The following AIG1 variants were observed in gnomAD, a reference collection of about 807,000 sequenced individuals.
AIG1 encodes androgen-induced gene 1 protein.
AIG1 carries 23 observed loss-of-function variants against 31.4 expected under a neutral mutation model. That is an observed-to-expected ratio of 0.73 (90% CI 0.53 to 1.04). AIG1 has a LOEUF of 1.04. AIG1 is among the 50% of genes least tolerant of loss of function. The pLI, the probability that AIG1 is intolerant of heterozygous loss-of-function variation, is 0.00. For synonymous variants in AIG1, 100 were observed against 110.5 expected (o/e 0.90, Z 0.60); for missense variants, 274 against 295.0 (o/e 0.93, Z 0.52).
intron 2 of AIG1, among the ~76,000 whole-genome samples, chr6:143,146,934 A>G (rs566337379): frequency 1.3e-5 from 2 of 152,222 alleles, no homozygotes; most frequent in East Asian, 3.9e-4. Context: ...AATTCTGGCT[A>G]TTGGGAAGGT....
intron 3 of AIG1, among the ~76,000 whole-genome samples, chr6:143,277,704 T>C (rs1163278694): frequency 6.6e-6 from 1 of 152,186 alleles, no homozygotes; most frequent in Admixed American, 6.5e-5. Flanking sequence ...CCCAATGAGG[T>C]TGGCCACACC....
chr6:143,190,485 A>G lies in AIG1; in HGVS notation c.399+25302A>G, dbSNP rs911066168. On this transcript the variant is annotated intron_variant, in intron 3 of 5. Transcript: ENST00000357847. ...TATCATTATTTAGTCTGATCAGACA[A>G]TATCTTCACTTTTAAGTTATGTTCA... 36 of 985,278 alleles carry G rather than the reference A, an allele frequency of 3.7e-5. No individual in the cohort carries two copies. The Admixed American group carries it at 5.5e-4, about 15-fold the overall frequency. The allele number at this position is 985,278 out of a possible 1,614,324, so 61.0% of individuals were successfully genotyped here.
intron 2 of AIG1, among the ~76,000 whole-genome samples, chr6:143,143,500 CAAAAAAAAAAAAAAA>C (rs60620136): frequency 7.3e-5 from 2 of 27,482 alleles, no homozygotes; most frequent in Non-Finnish European, 1.2e-4. Flanking sequence ...GACTTCATCT[CAAAAAAAAAAAAAAA>C]AAAAAAAAAA....
chr6:143,087,013 G>T (rs557445854), intron 1 of AIG1, among the ~76,000 whole-genome samples: 185 of 152,288 alleles, frequency 1.2e-3, no homozygotes, highest in Non-Finnish European at 1.9e-4. Context: ...GAGGGTTGGG[G>T]GTTGTTAGAA....
intron 1 of AIG1, among the ~76,000 whole-genome samples, chr6:143,065,590 T>A (rs886613665): frequency 2.0e-5 from 3 of 152,258 alleles, no homozygotes; most frequent in Admixed American, 6.5e-5. Flanking sequence ...AAAAGGCAAA[T>A]GTATTTTGAG....
intron 3 of AIG1, among the ~76,000 whole-genome samples, chr6:143,274,211 A>G (rs1399153630): frequency 6.6e-6 from 1 of 152,088 alleles, no homozygotes; most frequent in Admixed American, 6.5e-5. Flanking sequence ...ACCCCTGGCC[A>G]TTCTTTTATC....
At chr6:143,174,756 C>A (rs1406038200) in intron 3 of AIG1, among the ~76,000 whole-genome samples, 1 of 151,922 alleles carries the variant, frequency 6.6e-6, no homozygotes, top group Non-Finnish European at 1.5e-5. Context: ...TAATTCTTAT[C>A]CATTCTGCCA....
At chr6:143,320,793 T>G (rs1183809487) in intron 4 of AIG1, among the ~76,000 whole-genome samples, 3 of 151,662 alleles carry the variant, frequency 2.0e-5, no homozygotes, top group Admixed American at 6.6e-5. Flanking sequence ...TATTCTACTG[T>G]GTACTTAAAA....
At chr6:143,233,380 T>C (rs1206387314) in intron 3 of AIG1, among the ~76,000 whole-genome samples, 1 of 151,904 alleles carries the variant, frequency 6.6e-6, no homozygotes, top group Non-Finnish European at 1.5e-5. Context: ...AATTTGGAAA[T>C]ATTTGGTGGT....
intron 4 of AIG1, among the ~76,000 whole-genome samples, chr6:143,320,453 C>T (rs1776116750): frequency 6.6e-6 from 1 of 152,104 alleles, no homozygotes; most frequent in African/African-American, 2.4e-5. Flanking sequence ...ATGGAAACAA[C>T]CTAAATGTCC....
In AIG1 at chr6:143,164,698, ATG is replaced by A. The variant is rs555527817; in HGVS notation, c.298-379_298-378del. ...AGGGACATAGCTGGCAGTTTCCTGA[ATG>A]TGTGCTAACTCTAGATAGTGGGTAA... On this transcript the variant is annotated intron_variant, in intron 2 of 5. Transcript: ENST00000357847. Among the ~76,000 whole-genome samples the A allele has an allele frequency of 9.3e-4, 141 of 152,306 alleles. 2 individuals carry two copies. Among genetic ancestry groups the A allele is most frequent in the African/African-American group, 3.2e-3 (134 of 41,574 alleles).
chr6:143,251,656 T>C (rs1402646006), intron 3 of AIG1, among the ~76,000 whole-genome samples: 1 of 152,148 alleles, frequency 6.6e-6, no homozygotes, highest in Non-Finnish European at 1.5e-5. Context: ...TGGCCTGCTG[T>C]TTTTTTCAGG....
intron 1 of AIG1, among the ~76,000 whole-genome samples, chr6:143,114,426 G>C (rs535060604): frequency 6.6e-6 from 1 of 152,164 alleles, no homozygotes; most frequent in African/African-American, 2.4e-5. Flanking sequence ...GTTCTCAGAC[G>C]TATGAATGGA....
At chr6:143,252,965 C>A (rs550096863) in intron 3 of AIG1, among the ~76,000 whole-genome samples, 1 of 152,134 alleles carries the variant, frequency 6.6e-6, no homozygotes, top group African/African-American at 2.4e-5. Flanking sequence ...CCAGAGGATG[C>A]CCCTTCAGTT....
intron 3 of AIG1, among the ~76,000 whole-genome samples, chr6:143,274,573 A>T (rs554262485): frequency 6.6e-6 from 1 of 152,286 alleles, no homozygotes; most frequent in Non-Finnish European, 1.5e-5. Flanking sequence ...AAGGTGAGAG[A>T]CTTTAAATTT....
intron 1 of AIG1, among the ~76,000 whole-genome samples, chr6:143,124,530 T>A (rs1389231894): frequency 8.5e-5 from 13 of 152,252 alleles, no homozygotes; most frequent in Non-Finnish European, 2.9e-5. Context: ...GGCTGCTTCC[T>A]GCTTGCCCAG....
chr6:143,076,402 G>A (rs1734149762), intron 1 of AIG1, among the ~76,000 whole-genome samples: 1 of 152,012 alleles, frequency 6.6e-6, no homozygotes, highest in Non-Finnish European at 1.5e-5. Flanking sequence ...CTTTGTATTA[G>A]TGTTTGCATG....
chr6:143,162,199 G>A (rs550973709), intron 2 of AIG1, among the ~76,000 whole-genome samples: 11 of 152,212 alleles, frequency 7.2e-5, no homozygotes, highest in African/African-American at 2.2e-4. Context: ...AATATTTATG[G>A]ACAGGTTCAG....
rs6941707 is a variant in AIG1, at chr6:143,328,847, A to T, written c.516-4435A>T. On this transcript the variant is annotated intron_variant, in intron 4 of 5. Coordinates refer to ENST00000357847, the MANE Select transcript of AIG1 (RefSeq NM_016108.4). This position sits in a 1 kb window ranked among gnomAD's most constrained non-coding sequence, Gnocchi z 4.0. ...GCATATATATGTATGCACACATATC[A>T]TGGTTATTGATTTCTTAAGCTAAAA... Among the ~76,000 whole-genome samples the T allele has an allele frequency of 0.35, 53,375 of 152,040 alleles. 9,869 individuals are homozygous for T. The highest frequency in any genetic ancestry group is 0.68 in the East Asian group (3,520 of 5,170).
Sources: gnomAD v4.1 joint callset for allele counts (sites outside exome capture counted in the v4.1 genomes callset) on GRCh38, gnomAD v4.1.1 for gene constraint, Gnocchi (gnomAD v3.1) non-coding constraint, MANE v1.5 for transcripts, NCBI Gene and HGNC (gene_info 2026-07-23, HGNC 2026-07-21) for gene names.